Variants in POLR1A observed in about 807,000 individuals in gnomAD.
The protein encoded by POLR1A is DNA-directed RNA polymerase I subunit RPA1.
POLR1A carries 84 observed loss-of-function variants against 205.3 expected under a neutral mutation model. That is an observed-to-expected ratio of 0.41 (90% CI 0.34 to 0.49). The LOEUF is 0.49. POLR1A is among the 20% of genes least tolerant of loss of function. The probability of loss-of-function intolerance (pLI) is 0.22; values close to 1 mark genes in which losing one functional copy is unlikely to be tolerated. For synonymous variants in POLR1A, 799 were observed against 863.7 expected, an observed-to-expected ratio of 0.93 and a Z score of 1.31; for missense variants, 1,645 against 2,204.5, an observed-to-expected ratio of 0.75 and a Z score of 5.08.
chr2:86,058,256 A>G (rs113149714), intron 14 of POLR1A, among the ~76,000 whole-genome samples: 5,278 of 152,222 alleles, frequency 0.035, 229 homozygotes, highest in East Asian at 0.23. Flanking sequence ...ATGTGCCACC[A>G]TGCCTGGATA....
chr2:86,077,780 C>G (rs886682777), intron 11 of POLR1A, 79 bp downstream of exon 11: 2 of 1,528,838 alleles, frequency 1.3e-6, no homozygotes, highest in Admixed American at 1.7e-5. Flanking sequence ...CTGCCACCCA[C>G]GGGGAGCAAA....
chr2:86,032,562 C>G (rs779331303), intron 28 of POLR1A, among the ~76,000 whole-genome samples, 180 bp from the exon 29 acceptor site: 7 of 152,108 alleles, frequency 4.6e-5, no homozygotes, highest in Non-Finnish European at 1.0e-4. Flanking sequence ...GGCATCTACT[C>G]TGTCCAGTCC....
intron 24 of POLR1A, among the ~76,000 whole-genome samples, chr2:86,041,190 T>TGTGTGC (rs1212728761): frequency 5.0e-4 from 21 of 41,982 alleles, no homozygotes; most frequent in Admixed American, 2.2e-3. Flanking sequence ...TGTGTGTGTG[T>TGTGTGC]GCGCGCTGAG....
Position 86,081,690 on chromosome 2 carries a change from G to C in POLR1A, c.834C>G (p.Tyr278Ter). ...CATCATCATCCATTCCCGAAAAAAG[G>C]TAGTTCAGAAAGAATCCTGCGTTGG... ...LWKNEGFFLN[Y>*]LFSGMDDDGM... Residue 278 changes from tyrosine to a stop codon, truncating the protein, a stop_gained, in exon 8 of 34, where the codon TAC becomes TAG. Coordinates refer to ENST00000263857, the MANE Select transcript of POLR1A (RefSeq NM_015425.6). LOFTEE classifies it high-confidence loss of function. The C allele has an allele frequency of 6.2e-7, 1 of 1,609,512 alleles. No individual in the cohort carries two copies. Among genetic ancestry groups the C allele is most frequent in the Non-Finnish European group, 8.5e-7 (1 of 1,176,898 alleles).
rs1015003412 is a variant in POLR1A at position 86,028,779 on chromosome 2, C to A, written c.4780-68G>T. The stretch of plus-strand genomic sequence containing the variant: ...TCTGCTCCCTTCTGCCTGCGTATCT[C>A]CCCCTGGCCGCTCTCTCTCTCCTTG... On this transcript the variant is annotated intron_variant, in intron 31 of 33. Coordinates refer to ENST00000263857, the MANE Select transcript of POLR1A (RefSeq NM_015425.6). The surrounding 1 kb of genome is among the most constrained non-coding windows in gnomAD (Gnocchi z 4.5). The A allele has an allele frequency of 4.4e-6, 5 of 1,131,908 alleles. No homozygotes were observed. In the African/African-American group the frequency reaches 6.1e-5, roughly 14 times the overall value. 70.1% of individuals were successfully genotyped at this position (1,131,908 alleles called of 1,614,324 possible).
chr2:86,048,875 T>TG lies in POLR1A; in HGVS notation c.2634+8dup. On this transcript the variant is annotated intron_variant, in intron 18 of 33. Coordinates refer to ENST00000263857, the MANE Select transcript of POLR1A (RefSeq NM_015425.6). ...TGGTGGGGATAAATGCATGCAATGC[T>TG]GGGCTAACCTTGTTAATCTCATTGC... The TG allele has an allele frequency of 6.2e-7, 1 of 1,611,936 alleles. No individual in the cohort carries two copies.
In POLR1A at chr2:86,100,036, T is replaced by C. The variant is rs1305841729; in HGVS notation, c.214A>G (p.Ser72Gly). 1.2e-6 allele frequency: 2 copies of C among 1,614,158 alleles called. No individual in the cohort carries two copies. Among genetic ancestry groups the C allele is most frequent in the Non-Finnish European group, 1.7e-6 (2 of 1,180,030 alleles). Reference protein sequence around the residue: ...EVCSTCVQDFSNCSGHLGHIE... With the variant: ...EVCSTCVQDFGNCSGHLGHIE... The stretch of plus-strand genomic sequence containing the variant: ...TGGCCCAGGTGCCCAGAACAGTTGC[T>C]GAAGTCCTGCACGCAGGTGGAGCAC... The change falls in exon 2 of 34, where the codon AGC becomes GGC. Residue 72 changes from serine to glycine, a missense_variant. Physicochemically the swap from Ser to Gly is moderately conservative, Grantham distance 56. Around this residue, in one of 16 missense-constraint regions of POLR1A, gnomAD observed 330 missense variants for 375.6 expected, o/e 0.88. Coordinates refer to ENST00000263857, the MANE Select transcript of POLR1A (RefSeq NM_015425.6).
intron 24 of POLR1A, among the ~76,000 whole-genome samples, chr2:86,041,184 TGTGTGTGC>T (rs70953978): frequency 0.36 from 43,660 of 122,918 alleles, 7,522 homozygotes; most frequent in Non-Finnish European, 0.45. Flanking sequence ...TGTGTGTGTG[TGTGTGTGC>T]GCGCTGAGCT....
intron 27 of POLR1A, among the ~76,000 whole-genome samples, chr2:86,037,607 G>A (rs1245138867): frequency 6.6e-6 from 1 of 152,254 alleles, no homozygotes; most frequent in African/African-American, 2.4e-5. Context: ...CTCTATCTGA[G>A]CAGCTCCCAG....
chr2:86,042,759 T>A lies in POLR1A; in HGVS notation c.3357+215A>T, dbSNP rs2278535. ...CCTGGGATCGCGGGGAACCCCGAAG[T>A]CACAGGCCCCAGTTAGTCCCCCCAA... On this transcript the variant is annotated intron_variant, in intron 23 of 33. Coordinates refer to ENST00000263857, the MANE Select transcript of POLR1A (RefSeq NM_015425.6). Among the ~76,000 whole-genome samples the A allele has an allele frequency of 6.6e-3, 968 of 146,284 alleles. 23 individuals are homozygous for A. The East Asian group carries it at 0.097, about 15-fold the overall frequency.
chr2:86,038,297 C>A (rs1672535254), intron 27 of POLR1A, among the ~76,000 whole-genome samples: 2 of 152,220 alleles, frequency 1.3e-5, no homozygotes, highest in African/African-American at 4.8e-5. Context: ...TCAGGAACCA[C>A]ATTATACTGC....
At position 86,052,798 on chromosome 2, in the gene POLR1A, C is replaced by G; in HGVS notation, c.2392+19G>C. 1 of 1,485,758 alleles carries G rather than the reference C, an allele frequency of 6.7e-7. No homozygotes were observed. Among genetic ancestry groups the G allele is most frequent in the African/African-American group, 1.4e-5 (1 of 69,852 alleles). 92.0% of individuals were successfully genotyped at this position (1,485,758 alleles called of 1,614,324 possible). A position where few individuals can be genotyped will look rare whatever the true frequency, so the allele number is the denominator to read the frequency against. On this transcript the variant is annotated intron_variant, in intron 16 of 33. Coordinates refer to ENST00000263857, the MANE Select transcript of POLR1A (RefSeq NM_015425.6). ...GCGCTGACGGGTCACTGCCCCAGGG[C>G]AGCGAGCCCGGCACTTACCCAAGGT... is the stretch of plus-strand genomic sequence containing the variant.
chr2:86,057,587 T>C (rs943979936), intron 14 of POLR1A, among the ~76,000 whole-genome samples: 15 of 152,192 alleles, frequency 9.9e-5, no homozygotes, highest in African/African-American at 3.4e-4. Context: ...AACTGACAAA[T>C]GGATACAGAG....
At chr2:86,100,639 T>A (rs886961867) in intron 1 of POLR1A, among the ~76,000 whole-genome samples, 5 of 151,902 alleles carry the variant, frequency 3.3e-5, no homozygotes, top group African/African-American at 1.2e-4. Flanking sequence ...GCTCCAGTGA[T>A]CCTCCCACCT....
chr2:86,105,821 C>T lies in POLR1A; in HGVS notation c.-45G>A, dbSNP rs763194934. On this transcript the variant is annotated 5_prime_UTR_variant, in exon 1 of 34. It adds an upstream start codon to the 5' untranslated region. Coordinates refer to ENST00000263857, the MANE Select transcript of POLR1A (RefSeq NM_015425.6). ...TTCCGACACCCCAAGAGACGTTCCA[C>T]TCACCACCTGACTATTCTTAATTCA... 1 of 1,479,302 alleles carries T rather than the reference C, an allele frequency of 6.8e-7. No individual in the cohort carries two copies. 91.6% of individuals were successfully genotyped at this position (1,479,302 alleles called of 1,614,324 possible). A position where few individuals can be genotyped will look rare whatever the true frequency, so the allele number is the denominator to read the frequency against.
Position 86,025,916 on chromosome 2 carries a change from T to C in POLR1A, c.*1507A>G, listed in dbSNP as rs1402876550. 1 of 152,228 alleles carries C rather than the reference T, an allele frequency of 6.6e-6. No homozygotes were observed. 9.4% of individuals were successfully genotyped at this position (152,228 alleles called of 1,614,324 possible). A position where few individuals can be genotyped will look rare whatever the true frequency, so the allele number is the denominator to read the frequency against. On this transcript the variant is annotated 3_prime_UTR_variant, in exon 34 of 34. Transcript: ENST00000263857. The stretch of plus-strand genomic sequence containing the variant: ...GACCCCGTTAGGAGGTACTGATTTC[T>C]GTCAGGCTTTCCCCAGTGTAGGCCT...
At chr2:86,040,279 A>G in intron 25 of POLR1A, 113 bp downstream of exon 25, 1 of 854,092 alleles carries the variant, frequency 1.2e-6, no homozygotes. Flanking sequence ...TCCCTCTCTC[A>G]CACAGACACA....
chr2:86,075,123 G>C lies in POLR1A; in HGVS notation c.1518C>G (p.Ala506=). ...GCTGGGTCATGTCCACAGCGCTCAG[G>C]GCTGTGCGGCTGCCGTCCTCATTGA... ...MVINEDGSRT[A]LSAVDMTQRE... is the part of the protein sequence containing the mutation. Residue 506 remains alanine, a synonymous_variant, in exon 12 of 34, where the codon GCC becomes GCG. Coordinates refer to ENST00000263857, the MANE Select transcript of POLR1A (RefSeq NM_015425.6). 6.2e-7 allele frequency: 1 copy of C among 1,613,470 alleles called. No homozygotes were observed. Among genetic ancestry groups the C allele is most frequent in the Non-Finnish European group, 8.5e-7 (1 of 1,179,910 alleles).
At chr2:86,054,686 T>C (rs551769055) in intron 14 of POLR1A, among the ~76,000 whole-genome samples, 1 of 152,380 alleles carries the variant, frequency 6.6e-6, no homozygotes, top group Non-Finnish European at 1.5e-5. Flanking sequence ...TAATTATAGC[T>C]ACTGAAAAGC....
Sources: gnomAD v4.1 joint callset for allele counts (sites outside exome capture counted in the v4.1 genomes callset) on GRCh38, gnomAD v4.1.1 for gene constraint, gnomAD v4.1.1 regional missense constraint, Gnocchi (gnomAD v3.1) non-coding constraint, MANE v1.5 for transcripts, NCBI Gene and HGNC (gene_info 2026-07-23, HGNC 2026-07-21) for gene names.